Variants in PDZRN4 observed in about 807,000 individuals in gnomAD.
PDZRN4 encodes PDZ domain-containing RING finger protein 4.
A neutral mutation model predicts 99.0 loss-of-function variants in PDZRN4; 70 were observed. That is an observed-to-expected ratio of 0.71 (90% confidence interval 0.58 to 0.86). PDZRN4 has a LOEUF of 0.86. PDZRN4 is among the 40% of genes least tolerant of loss of function. The pLI is 0.00. For synonymous variants in PDZRN4, 551 were observed against 501.6 expected (o/e 1.10, Z -1.32); for missense variants, 1,474 against 1,331.2 (o/e 1.11, Z -1.67).
intron 8 of PDZRN4, among the ~76,000 whole-genome samples, chr12:41,566,795 G>T (rs764665779): frequency 2.6e-5 from 4 of 152,084 alleles, no homozygotes; most frequent in Non-Finnish European, 4.4e-5. Context: ...ATCCATGTTT[G>T]CTCACTAGAA....
At chr12:41,293,932 A>T (rs139379331) in intron 3 of PDZRN4, among the ~76,000 whole-genome samples, 1 of 152,316 alleles carries the variant, frequency 6.6e-6, no homozygotes, top group Non-Finnish European at 1.5e-5. Context: ...ATAAGCAAGA[A>T]TCTGTCTTCT....
Position 41,573,762 on chromosome 12 carries a change from A to G in PDZRN4, c.2983A>G (p.Met995Val), listed in dbSNP as rs761096719. The G allele has an allele frequency of 5.0e-6, 8 of 1,613,830 alleles. No homozygotes were observed. Among genetic ancestry groups the G allele is most frequent in the Admixed American group, 1.7e-5 (1 of 59,968 alleles). ...TATCATTGAACTGAGTCACAAAAAG[A>G]TGATGAAAAAGAGAAACAAGAAAAT... ...INIIELSHKK[M>V]MKKRNKKILD... The change falls in exon 10 of 10, where the codon ATG becomes GTG. Residue 995 changes from methionine to valine, a missense_variant. Physicochemically the swap from Met to Val is conservative, Grantham distance 21. Coordinates refer to ENST00000402685, the MANE Select transcript of PDZRN4 (RefSeq NM_001164595.2).
intron 3 of PDZRN4, among the ~76,000 whole-genome samples, chr12:41,371,658 A>G (rs1006427755): frequency 1.3e-5 from 2 of 152,008 alleles, no homozygotes; most frequent in Non-Finnish European, 2.9e-5. Flanking sequence ...TTTTCGCTTT[A>G]TTTTTGCCAA....
At chr12:41,222,489 G>C (rs1950963447) in intron 3 of PDZRN4, among the ~76,000 whole-genome samples, 1 of 152,010 alleles carries the variant, frequency 6.6e-6, no homozygotes, top group African/African-American at 2.4e-5. Flanking sequence ...TTCTCTGATA[G>C]AGTTTGTCTA....
chr12:41,354,480 T>C (rs1460987338), intron 3 of PDZRN4, among the ~76,000 whole-genome samples: 1 of 151,828 alleles, frequency 6.6e-6, no homozygotes, highest in African/African-American at 2.4e-5. Context: ...GTCTCTTTTT[T>C]GGAAAGTGAA....
intron 3 of PDZRN4, among the ~76,000 whole-genome samples, chr12:41,265,199 A>G (rs76272889): frequency 6.6e-6 from 1 of 152,212 alleles, no homozygotes; most frequent in Non-Finnish European, 1.5e-5. Context: ...ATCTACATGT[A>G]TAAGTGAAGA....
At position 41,563,634 on chromosome 12, in the gene PDZRN4, A is replaced by G. The variant is rs1380863655; in HGVS notation, c.1452A>G (p.Ala484=). Residue 484 remains alanine (A), a synonymous_variant, in exon 8 of 10, where the codon GCA becomes GCG. Coordinates refer to ENST00000402685, the MANE Select transcript of PDZRN4 (RefSeq NM_001164595.2). ...GTAAGAGAATCGTGCTGCTTGTTGC[A>G]AGGCCAGAGATTCAGGTCAGAACAG... ...DECKRIVLLV[A]RPEIQLDEGW... is the part of the protein sequence containing the mutation. 21 of 1,612,404 alleles carry G rather than the reference A, an allele frequency of 1.3e-5. No individual in the cohort carries two copies. The highest frequency in any genetic ancestry group is 1.8e-5 in the Non-Finnish European group (21 of 1,178,710).
chr12:41,332,314 A>C (rs752289977), intron 3 of PDZRN4, among the ~76,000 whole-genome samples: 3 of 152,118 alleles, frequency 2.0e-5, no homozygotes, highest in Non-Finnish European at 2.9e-5. Flanking sequence ...TTGGAGAAGT[A>C]AAGTTAGGAG....
chr12:41,565,769 T>C (rs1324950989), intron 8 of PDZRN4, among the ~76,000 whole-genome samples: 4 of 152,174 alleles, frequency 2.6e-5, no homozygotes, highest in Non-Finnish European at 4.4e-5. Flanking sequence ...ATTGCTTTTC[T>C]GTCCTATTTC....
chr12:41,322,621 G>A (rs1348172094), intron 3 of PDZRN4, among the ~76,000 whole-genome samples: 1 of 149,248 alleles, frequency 6.7e-6, no homozygotes, highest in East Asian at 2.1e-4. Flanking sequence ...CTCCTGAGTA[G>A]CTGGGACTAC....
intron 3 of PDZRN4, among the ~76,000 whole-genome samples, chr12:41,297,246 T>A (rs1415704366): frequency 6.6e-6 from 1 of 152,206 alleles, no homozygotes; most frequent in African/African-American, 2.4e-5. Context: ...GAGCAGTTGA[T>A]GGAATGTAAG....
chr12:41,278,098 A>T (rs1306723644), intron 3 of PDZRN4, among the ~76,000 whole-genome samples: 3 of 152,178 alleles, frequency 2.0e-5, no homozygotes, highest in Non-Finnish European at 4.4e-5. Context: ...CACTAAGATG[A>T]TCCTTTTCCT....
chr12:41,292,242 G>GAGTT (rs1951461183), intron 3 of PDZRN4, among the ~76,000 whole-genome samples: 3 of 152,188 alleles, frequency 2.0e-5, no homozygotes, highest in Non-Finnish European at 4.4e-5. Context: ...CAGCTAGAGA[G>GAGTT]AGTTGTTCAT....
intron 3 of PDZRN4, among the ~76,000 whole-genome samples, chr12:41,312,860 A>T (rs1396148177): frequency 6.6e-6 from 1 of 152,096 alleles, no homozygotes; most frequent in African/African-American, 2.4e-5. Flanking sequence ...TTCTGTTCCC[A>T]GGCAATTTCA....
intron 3 of PDZRN4, among the ~76,000 whole-genome samples, chr12:41,422,745 T>C (rs557058596): frequency 1.5e-4 from 23 of 152,280 alleles, no homozygotes; most frequent in Admixed American, 4.6e-4. Context: ...GGGATTGTAA[T>C]TCAAGATGAG....
chr12:41,409,804 C>T (rs1044238704), intron 3 of PDZRN4: 2 of 152,126 alleles, frequency 1.3e-5, no homozygotes, highest in African/African-American at 4.8e-5. Flanking sequence ...TCTCTGAAGC[C>T]TCTAGGGAGG....
chr12:41,369,575 T>G (rs1317377146), intron 3 of PDZRN4, among the ~76,000 whole-genome samples: 3 of 152,044 alleles, frequency 2.0e-5, no homozygotes, highest in Non-Finnish European at 2.9e-5. Flanking sequence ...TCTTTAAGTG[T>G]GTACATTTTC....
chr12:41,404,233 G>A (rs1952325964), intron 3 of PDZRN4, among the ~76,000 whole-genome samples: 1 of 151,998 alleles, frequency 6.6e-6, no homozygotes, highest in African/African-American at 2.4e-5. Flanking sequence ...AAAACCCATG[G>A]ATTCGGAAGA....
chr12:41,494,256 T>C (rs1004043054), intron 3 of PDZRN4, among the ~76,000 whole-genome samples: 1 of 152,288 alleles, frequency 6.6e-6, no homozygotes, highest in East Asian at 1.9e-4. Flanking sequence ...TGCTAAATAT[T>C]TTATTGATGT....
Sources: gnomAD v4.1 joint callset for allele counts (sites outside exome capture counted in the v4.1 genomes callset) on GRCh38, gnomAD v4.1.1 for gene constraint, MANE v1.5 for transcripts, NCBI Gene and HGNC (gene_info 2026-07-23, HGNC 2026-07-21) for gene names.